The following LUZP2 variants were observed in gnomAD, a reference collection of about 807,000 sequenced individuals.
LUZP2 encodes the protein leucine zipper protein 2.
A neutral mutation model predicts 51.6 loss-of-function variants in LUZP2; 52 were observed. That is an observed-to-expected ratio of 1.01 (90% confidence interval 0.81 to 1.27). LUZP2 has a LOEUF of 1.27. Among genes scored for constraint, LUZP2 ranks in the 50% most tolerant of loss-of-function variants. LUZP2 has a pLI of 0.00. For synonymous variants in LUZP2, 154 were observed against 137.3 expected, an observed-to-expected ratio of 1.12 and a Z score of -0.85; for missense variants, 436 against 395.4, an observed-to-expected ratio of 1.10 and a Z score of -0.87.
chr11:24,879,270 A>G (rs1394319612), intron 5 of LUZP2, among the ~76,000 whole-genome samples: 2 of 152,132 alleles, frequency 1.3e-5, no homozygotes, highest in African/African-American at 2.4e-5. Flanking sequence ...ATTGCTGTGT[A>G]GTATTCCATG....
At chr11:25,056,875 C>A (rs757225333) in intron 10 of LUZP2, among the ~76,000 whole-genome samples, 13 of 152,058 alleles carry the variant, frequency 8.5e-5, no homozygotes, top group Non-Finnish European at 1.9e-4. Context: ...CCAAGGTGGG[C>A]AGATCACGAG....
chr11:24,871,438 C>T (rs1852068397), intron 5 of LUZP2, among the ~76,000 whole-genome samples: 1 of 152,020 alleles, frequency 6.6e-6, no homozygotes, highest in Admixed American at 6.6e-5. Context: ...TCATATTTAC[C>T]TGATTCCAGA....
chr11:25,055,288 C>T (rs1428608541), intron 10 of LUZP2, among the ~76,000 whole-genome samples: 2 of 152,048 alleles, frequency 1.3e-5, no homozygotes, highest in African/African-American at 2.4e-5. Context: ...GGATTACAGG[C>T]GTAAGCCACT....
intron 1 of LUZP2, among the ~76,000 whole-genome samples, chr11:24,658,457 A>G (rs1207892833): frequency 6.6e-6 from 1 of 152,218 alleles, no homozygotes; most frequent in Non-Finnish European, 1.5e-5. Flanking sequence ...TGTTAGACCT[A>G]AAACCATAAA....
intron 1 of LUZP2, among the ~76,000 whole-genome samples, chr11:24,632,203 G>C (rs61875687): frequency 0.18 from 27,622 of 151,952 alleles, 3,100 homozygotes; most frequent in East Asian, 0.33. Context: ...GAAGGAACTT[G>C]TGTGGGTATC....
intron 1 of LUZP2, among the ~76,000 whole-genome samples, chr11:24,514,067 C>T (rs1509585): frequency 1 from 152,305 of 152,314 alleles, 76,148 homozygotes; most frequent in Non-Finnish European, 1. Flanking sequence ...AATAAAATGT[C>T]TTAAAGATGA....
intron 1 of LUZP2, among the ~76,000 whole-genome samples, chr11:24,502,162 A>T (rs1850014192): frequency 6.6e-6 from 1 of 152,190 alleles, no homozygotes; most frequent in South Asian, 2.1e-4. Context: ...CTGTACAGTT[A>T]TTATGGTATT....
chr11:24,601,173 A>G (rs1413489064), intron 1 of LUZP2, among the ~76,000 whole-genome samples: 1 of 152,060 alleles, frequency 6.6e-6, no homozygotes, highest in Non-Finnish European at 1.5e-5. Context: ...ACAAATATCA[A>G]AGACATGGAG....
At chr11:24,944,340 T>G (rs1010769776) in intron 7 of LUZP2, among the ~76,000 whole-genome samples, 1 of 152,212 alleles carries the variant, frequency 6.6e-6, no homozygotes, top group Non-Finnish European at 1.5e-5. Context: ...GGTTAAGGCA[T>G]TCTGACTCTA....
chr11:24,918,609 T>C (rs1202662685), intron 7 of LUZP2, among the ~76,000 whole-genome samples: 2 of 151,520 alleles, frequency 1.3e-5, no homozygotes, highest in African/African-American at 4.8e-5. Flanking sequence ...AAAATCATGC[T>C]TTTTTTAGAT....
intron 7 of LUZP2, among the ~76,000 whole-genome samples, chr11:24,918,648 AT>A (rs1224349152): frequency 6.6e-6 from 1 of 151,316 alleles, no homozygotes; most frequent in Non-Finnish European, 1.5e-5. Flanking sequence ...TAAAAAAAAA[AT>A]CCTAAATATT....
At chr11:25,004,668 C>T (rs1856784745) in intron 9 of LUZP2, among the ~76,000 whole-genome samples, 1 of 152,122 alleles carries the variant, frequency 6.6e-6, no homozygotes, top group African/African-American at 2.4e-5. Flanking sequence ...TTCTTCCTTT[C>T]CCTGAATTAT....
chr11:24,842,399 A>G (rs1851062073), intron 5 of LUZP2, among the ~76,000 whole-genome samples: 1 of 151,802 alleles, frequency 6.6e-6, no homozygotes. Flanking sequence ...CAAAACAGCT[A>G]TTGGAGCTTG....
At chr11:24,623,803 C>T (rs1026885090) in intron 1 of LUZP2, among the ~76,000 whole-genome samples, 14 of 152,124 alleles carry the variant, frequency 9.2e-5, no homozygotes, top group Admixed American at 5.9e-4. Context: ...GCTGAGGTCA[C>T]GCCACTGCAC....
intron 7 of LUZP2, among the ~76,000 whole-genome samples, chr11:24,949,440 GTTTAA>G (rs1855011613): frequency 6.6e-6 from 1 of 151,546 alleles, no homozygotes; most frequent in South Asian, 2.1e-4. Context: ...GGTTGTATTA[GTTTAA>G]TTTAAGCAAG....
chr11:24,895,723 GTATATGT>G (rs1396981047), intron 5 of LUZP2, among the ~76,000 whole-genome samples: 1 of 152,220 alleles, frequency 6.6e-6, no homozygotes, highest in East Asian at 1.9e-4. Context: ...ATTCCATGGT[GTATATGT>G]ACCACATCCA....
chr11:25,052,672 A>T (rs10767304), intron 10 of LUZP2, among the ~76,000 whole-genome samples: 55,692 of 152,044 alleles, frequency 0.37, 12,501 homozygotes, highest in East Asian at 0.78. Context: ...CAGTATCAAA[A>T]TACTGACTAC....
chr11:24,957,986 G>A (rs1258745209), intron 7 of LUZP2, among the ~76,000 whole-genome samples: 2 of 152,086 alleles, frequency 1.3e-5, no homozygotes, highest in Non-Finnish European at 2.9e-5. Flanking sequence ...CCACCTATGA[G>A]TGAGAATATG....
chr11:25,011,037 T>C (rs1004880618), intron 9 of LUZP2, among the ~76,000 whole-genome samples: 6 of 152,154 alleles, frequency 3.9e-5, no homozygotes, highest in Non-Finnish European at 5.9e-5. Flanking sequence ...CTGATGTTTC[T>C]GGGAATCCAA....
Sources: allele counts gnomAD v4.1 joint callset (sites outside exome capture counted in the v4.1 genomes callset), GRCh38; gene constraint gnomAD v4.1.1; transcripts MANE v1.5; gene names NCBI Gene and HGNC (gene_info 2026-07-23, HGNC 2026-07-21).